GRHL2: variants seen among roughly 807,000 people sequenced by gnomAD.
GRHL2 encodes grainyhead-like protein 2 homolog.
In GRHL2, 21 loss-of-function variants were observed where a neutral mutation model predicts 83.8. That is an observed-to-expected ratio of 0.25 (90% CI 0.18 to 0.36). The LOEUF is 0.36. Among genes scored for constraint, GRHL2 ranks in the 10% least tolerant of loss-of-function variants. The pLI is 1.00. For missense variants in GRHL2, 623 were observed against 781.8 expected, an observed-to-expected ratio of 0.80 and a Z score of 2.42; for synonymous variants, 280 against 278.9, an observed-to-expected ratio of 1.00 and a Z score of -0.04.
chr8:101,525,095 A>G (rs778437308), intron 1 of GRHL2, among the ~76,000 whole-genome samples: 4 of 152,112 alleles, frequency 2.6e-5, no homozygotes, highest in Admixed American at 1.3e-4. Context: ...GGCACTGGCC[A>G]CCAGGCCCAG....
At chr8:101,551,517 T>C (rs1057475) in intron 2 of GRHL2, among the ~76,000 whole-genome samples, 3 of 151,916 alleles carry the variant, frequency 2.0e-5, no homozygotes, top group Non-Finnish European at 1.5e-5. Context: ...AGGACTCCAG[T>C]AGAGGGATGA....
chr8:101,579,657 A>G (rs949341896), intron 7 of GRHL2, among the ~76,000 whole-genome samples: 2 of 152,248 alleles, frequency 1.3e-5, no homozygotes, highest in African/African-American at 4.8e-5. Context: ...CAAAAATCTC[A>G]TACAATTCAT....
At chr8:101,535,030 C>T (rs904503196) in intron 1 of GRHL2, among the ~76,000 whole-genome samples, 1 of 152,192 alleles carries the variant, frequency 6.6e-6, no homozygotes, top group Non-Finnish European at 1.5e-5. Context: ...AGCTCTTTCA[C>T]AAATGCGAAA....
At position 101,652,563 on chromosome 8, in the gene GRHL2, GGTGTGTGTGTGGTGTGTGTGGTGTCT is replaced by G. The variant is rs1374153400; in HGVS notation, c.1698+3085_1698+3110del. Among the ~76,000 whole-genome samples the G allele has an allele frequency of 9.4e-4, 60 of 63,940 alleles. 2 individuals carry two copies. Among genetic ancestry groups the G allele is most frequent in the African/African-American group, 3.2e-3 (42 of 13,318 alleles). The allele number at this position is 63,940 out of a possible 152,430, so 41.9% of individuals were successfully genotyped here. ...TGTGTGTGTGGTGTGTATGTGTGGT[GGTGTGTGTGTGGTGTGTGTGGTGTCT>G]GTGTGTGTGTGGTGTGTGTGTGTGG... On this transcript the variant is annotated intron_variant, in intron 14 of 15. Coordinates refer to ENST00000646743, the MANE Select transcript of GRHL2 (RefSeq NM_024915.4).
intron 1 of GRHL2, among the ~76,000 whole-genome samples, chr8:101,496,663 G>A (rs1810112562): frequency 6.6e-6 from 1 of 152,148 alleles, no homozygotes; most frequent in Admixed American, 6.5e-5. Flanking sequence ...TGCTATGAAG[G>A]AAAGCAAAAC....
downstream of GRHL2, among the ~76,000 whole-genome samples, chr8:101,670,026 C>A (rs1314590574): frequency 1.3e-5 from 2 of 152,194 alleles, no homozygotes; most frequent in African/African-American, 4.8e-5. Context: ...TCTGCCCATC[C>A]TCACTCCCAG....
intron 8 of GRHL2, among the ~76,000 whole-genome samples, chr8:101,599,908 T>C (rs911891130): frequency 3.3e-5 from 5 of 152,214 alleles, no homozygotes; most frequent in African/African-American, 1.2e-4. Context: ...CTTCTGATCC[T>C]TGATTCTTAT....
rs1214223862 is a variant in GRHL2 at position 101,669,568 on chromosome 8, A to G, written c.*2865A>G. ...AAAGACAAGCAAGGGAGATTGATAT[A>G]TGTACAATTTGCTCTCATGTTTTAA... is the stretch of plus-strand genomic sequence containing the variant. On this transcript the variant is annotated 3_prime_UTR_variant, in exon 16 of 16. Coordinates refer to ENST00000646743, the MANE Select transcript of GRHL2 (RefSeq NM_024915.4). 1.3e-5 allele frequency: 2 copies of G among 151,642 alleles called. No individual in the cohort carries two copies. Among genetic ancestry groups the G allele is most frequent in the Admixed American group, 6.6e-5 (1 of 15,108 alleles). The allele number at this position is 151,642 out of a possible 1,614,324, so 9.4% of individuals were successfully genotyped here.
At chr8:101,556,115 G>A (rs1012666543) in intron 3 of GRHL2, among the ~76,000 whole-genome samples, 2 of 152,076 alleles carry the variant, frequency 1.3e-5, no homozygotes, top group Admixed American at 6.6e-5. Context: ...GTGCCACCAC[G>A]CCTGGCTAAT....
At chr8:101,658,122 T>G (rs1158094032) in intron 14 of GRHL2, among the ~76,000 whole-genome samples, 1 of 152,202 alleles carries the variant, frequency 6.6e-6, no homozygotes, top group Non-Finnish European at 1.5e-5. Context: ...CAGGGAACAC[T>G]GTCCCAGGGT....
intron 8 of GRHL2, among the ~76,000 whole-genome samples, chr8:101,603,451 C>A (rs745871529): frequency 6.6e-6 from 1 of 152,158 alleles, no homozygotes; most frequent in Non-Finnish European, 1.5e-5. Flanking sequence ...TCTTTCATTG[C>A]TGACTTACAT....
chr8:101,539,586 C>A (rs965286227), intron 1 of GRHL2, among the ~76,000 whole-genome samples: 1 of 152,122 alleles, frequency 6.6e-6, no homozygotes, highest in Non-Finnish European at 1.5e-5. Flanking sequence ...CCAAATCCAA[C>A]CCTGCATATT....
rs1300665589 is a variant in GRHL2, at chr8:101,619,670, T to C, written c.1230T>C (p.Tyr410=). 2.5e-6 allele frequency: 4 copies of C among 1,613,190 alleles called. No homozygotes were observed. The highest frequency in any genetic ancestry group is 2.7e-5 in the African/African-American group (2 of 74,916). ...GCAATAAACCCATTCATAGAGCTTA[T>C]TGCCAGATCAAGGTCTTCTGTGACA... ...NRSNKPIHRA[Y]CQIKVFCDKG... Residue 410 remains tyrosine (Y), a synonymous_variant, in exon 9 of 16, where the codon TAT becomes TAC. Coordinates refer to ENST00000646743, the MANE Select transcript of GRHL2 (RefSeq NM_024915.4).
intron 11 of GRHL2, among the ~76,000 whole-genome samples, chr8:101,636,061 C>T (rs967879939): frequency 5.9e-5 from 9 of 152,304 alleles, no homozygotes; most frequent in African/African-American, 2.2e-4. Context: ...TTATTCTTCA[C>T]TCAAAGGCAA....
At position 101,634,979 on chromosome 8, in the gene GRHL2, C is replaced by T. The variant is rs943221996; in HGVS notation, c.1486-1918C>T. On this transcript the variant is annotated intron_variant, in intron 11 of 15. Transcript: ENST00000646743. ...CGCCTTTAAAGGTCATGAGATTAGG[C>T]GAGATTGGGAAAAATGGTGGGATGC... is the stretch of plus-strand genomic sequence containing the variant. 3.3e-5 allele frequency among the ~76,000 whole-genome samples: 5 copies of T among 152,146 alleles called. No homozygotes were observed. In the East Asian group the frequency reaches 5.8e-4, roughly 18 times the overall value.
intron 13 of GRHL2, among the ~76,000 whole-genome samples, chr8:101,645,253 C>T (rs949815903): frequency 2.6e-5 from 4 of 151,494 alleles, no homozygotes; most frequent in Non-Finnish European, 5.9e-5. Context: ...CTGCCTCAGC[C>T]TCCCAAGTAG....
In GRHL2 at chr8:101,631,703, T is replaced by G. The variant is rs1813189534; in HGVS notation, c.1324T>G (p.Ser442Ala). ...QNRKKGKGQA[S>A]QTQCNSSSDG... ...CAGGAAGAAAGGGAAAGGCCAGGCC[T>G]CCCAAACTCAATGCAACAGCTGTGA... The change falls in exon 10 of 16, where the codon TCC becomes GCC. Residue 442 changes from serine (S) to alanine (A), a missense_variant. This residue lies in a region of GRHL2 where 210 missense variants were observed against 254.8 expected (regional missense o/e 0.82). Coordinates refer to ENST00000646743, the MANE Select transcript of GRHL2 (RefSeq NM_024915.4). The G allele has an allele frequency of 6.2e-7, 1 of 1,613,530 alleles. No individual in the cohort carries two copies. Among genetic ancestry groups the G allele is most frequent in the African/African-American group, 1.3e-5 (1 of 74,898 alleles).
chr8:101,642,897 C>A (rs951510454), intron 12 of GRHL2, among the ~76,000 whole-genome samples: 3 of 152,166 alleles, frequency 2.0e-5, no homozygotes, highest in African/African-American at 7.2e-5. Flanking sequence ...AAATGGGATA[C>A]AATTTTCTTA....
At chr8:101,523,167 C>T (rs774564321) in intron 1 of GRHL2, among the ~76,000 whole-genome samples, 1 of 152,078 alleles carries the variant, frequency 6.6e-6, no homozygotes, top group African/African-American at 2.4e-5. Context: ...CCACCTCGGC[C>T]TCCCAAAGTG....
Sources: gnomAD v4.1 joint callset for allele counts (sites outside exome capture counted in the v4.1 genomes callset) on GRCh38, gnomAD v4.1.1 for gene constraint, gnomAD v4.1.1 regional missense constraint, MANE v1.5 for transcripts, NCBI Gene and HGNC (gene_info 2026-07-23, HGNC 2026-07-21) for gene names.